Variants in TRHDE observed in about 807,000 individuals in gnomAD.
TRHDE encodes the protein thyrotropin releasing hormone degrading enzyme.
A neutral mutation model predicts 125.7 loss-of-function variants in TRHDE; 72 were observed. That is an observed-to-expected ratio of 0.57 (90% CI 0.47 to 0.70). The LOEUF is 0.70. TRHDE is among the 30% of genes least tolerant of loss of function. The pLI, the probability that TRHDE is intolerant of heterozygous loss-of-function variation, is 0.00. For missense variants in TRHDE, 1,110 were observed against 1,327.1 expected, an observed-to-expected ratio of 0.84 and a Z score of 2.54; for synonymous variants, 509 against 509.1, an observed-to-expected ratio of 1.00 and a Z score of 0.00.
intron 12 of TRHDE, among the ~76,000 whole-genome samples, chr12:72,580,040 A>G (rs1259612705): frequency 1.3e-5 from 2 of 152,176 alleles, no homozygotes; most frequent in Non-Finnish European, 1.5e-5. Context: ...ATTTCCATTC[A>G]ATATAAATTT....
At position 72,372,775 on chromosome 12, in the gene TRHDE, C is replaced by G. The variant is rs1379241628; in HGVS notation, c.1189-5220C>G. Among the ~76,000 whole-genome samples the G allele has an allele frequency of 2.6e-5, 4 of 152,144 alleles. No individual in the cohort carries two copies. The East Asian group carries it at 7.7e-4, about 29-fold the overall frequency. On this transcript the variant is annotated intron_variant, in intron 2 of 18. Coordinates refer to ENST00000261180, the MANE Select transcript of TRHDE (RefSeq NM_013381.3). ...TCTCTGTTTTGGTACCAGTACCATGCTGTTTTGGTTACTGTAGACTTGTAG... is the reference window on the plus strand; with the variant it reads ...TCTCTGTTTTGGTACCAGTACCATGGTGTTTTGGTTACTGTAGACTTGTAG...
At chr12:72,428,990 T>C (rs1874308142) in intron 3 of TRHDE, among the ~76,000 whole-genome samples, 1 of 152,084 alleles carries the variant, frequency 6.6e-6, no homozygotes, top group Non-Finnish European at 1.5e-5. Context: ...GTGACACATA[T>C]ACACCATGGA....
At chr12:72,532,604 G>T (rs1030693915) in intron 6 of TRHDE, among the ~76,000 whole-genome samples, 8 of 151,102 alleles carry the variant, frequency 5.3e-5, no homozygotes, top group African/African-American at 1.9e-4. Flanking sequence ...TTTTGAATAA[G>T]AATGAATGAA....
chr12:72,285,049 T>G (rs894903298), intron 1 of TRHDE, among the ~76,000 whole-genome samples: 1 of 152,232 alleles, frequency 6.6e-6, no homozygotes, highest in Non-Finnish European at 1.5e-5. Flanking sequence ...TATTAATTTT[T>G]AAAATGTTTT....
chr12:72,094,388 G>T (rs1446330382), intron 1 of TRHDE, among the ~76,000 whole-genome samples: 1 of 152,114 alleles, frequency 6.6e-6, no homozygotes, highest in Non-Finnish European at 1.5e-5. Flanking sequence ...CCTGCCTCTG[G>T]GGTTACTGAT....
intron 3 of TRHDE, among the ~76,000 whole-genome samples, chr12:72,392,865 A>C (rs1246860970): frequency 1.3e-5 from 2 of 151,936 alleles, no homozygotes; most frequent in African/African-American, 4.8e-5. Flanking sequence ...TAACTAGTAC[A>C]TTTTTTTCCT....
At chr12:72,627,922 A>G (rs766326107) in intron 15 of TRHDE, among the ~76,000 whole-genome samples, 1 of 151,650 alleles carries the variant, frequency 6.6e-6, no homozygotes, top group Non-Finnish European at 1.5e-5. Context: ...GTCTCAAGCA[A>G]TCCTCCTGCC....
intron 1 of TRHDE, among the ~76,000 whole-genome samples, chr12:72,276,114 A>G (rs949851632): frequency 4.4e-4 from 67 of 152,172 alleles, no homozygotes; most frequent in African/African-American, 1.6e-3. Flanking sequence ...TTTTGTTACT[A>G]TAGCCACTTG....
intron 15 of TRHDE, among the ~76,000 whole-genome samples, chr12:72,645,342 A>G (rs1054423533): frequency 6.6e-6 from 1 of 152,210 alleles, no homozygotes; most frequent in Non-Finnish European, 1.5e-5. Context: ...TGTTAATAGA[A>G]GGGTTAAACA....
At position 72,663,728 on chromosome 12, in the gene TRHDE, G is replaced by A. The variant is rs564631375; in HGVS notation, c.*533G>A. On this transcript the variant is annotated 3_prime_UTR_variant, in exon 19 of 19. Transcript: ENST00000261180. ...ATATTCTCAATTTTGGGCAATGTGA[G>A]AGGTAAAATAGCCCTTGACATGATG... 1 of 152,636 alleles carries A rather than the reference G, an allele frequency of 6.6e-6. No homozygotes were observed. Among genetic ancestry groups the A allele is most frequent in the African/African-American group, 2.4e-5 (1 of 41,554 alleles). The allele number at this position is 152,636 out of a possible 1,614,324, so 9.5% of individuals were successfully genotyped here.
intron 6 of TRHDE, among the ~76,000 whole-genome samples, chr12:72,507,802 C>T (rs948747202): frequency 6.6e-6 from 1 of 152,206 alleles, no homozygotes; most frequent in Non-Finnish European, 1.5e-5. Flanking sequence ...AGCAGCTCCT[C>T]CCATCATAGG....
At chr12:72,565,238 T>C (rs1264129125) in intron 9 of TRHDE, among the ~76,000 whole-genome samples, 1 of 152,202 alleles carries the variant, frequency 6.6e-6, no homozygotes, top group Non-Finnish European at 1.5e-5. Context: ...ACTACCGATC[T>C]ATTCCAGAAA....
At chr12:72,411,759 T>C (rs1873520342) in intron 3 of TRHDE, among the ~76,000 whole-genome samples, 3 of 152,090 alleles carry the variant, frequency 2.0e-5, no homozygotes, top group African/African-American at 7.2e-5. Context: ...AGTTATGTAA[T>C]TATGAGTGGC....
intron 6 of TRHDE, among the ~76,000 whole-genome samples, chr12:72,542,026 T>C (rs933392705): frequency 6.6e-6 from 1 of 151,494 alleles, no homozygotes; most frequent in Non-Finnish European, 1.5e-5. Context: ...TACTCCTGAA[T>C]TACAGCTTAT....
In TRHDE at chr12:72,475,823, A is replaced by G. The variant is rs1320662130; in HGVS notation, c.1584+2643A>G. On this transcript the variant is annotated intron_variant, in intron 5 of 18. Coordinates refer to ENST00000261180, the MANE Select transcript of TRHDE (RefSeq NM_013381.3). ...GGTGTCACAGAAAACTCATCCTATTAAAGTAAAAAATGAAATAATAAACTC... is the reference window on the plus strand; with the variant it reads ...GGTGTCACAGAAAACTCATCCTATTGAAGTAAAAAATGAAATAATAAACTC... 2.0e-5 allele frequency among the ~76,000 whole-genome samples: 3 copies of G among 152,352 alleles called. No individual in the cohort carries two copies. The East Asian group carries it at 5.8e-4, about 29-fold the overall frequency.
chr12:72,410,429 A>C (rs191198751), intron 3 of TRHDE, among the ~76,000 whole-genome samples: 1 of 152,114 alleles, frequency 6.6e-6, no homozygotes, highest in African/African-American at 2.4e-5. Context: ...ATCAGAACCT[A>C]ACACAGCCAT....
chr12:72,329,807 AG>A (rs376008597), intron 2 of TRHDE, among the ~76,000 whole-genome samples: 2 of 152,316 alleles, frequency 1.3e-5, no homozygotes, highest in African/African-American at 2.4e-5. Context: ...GAGAGGAAAA[AG>A]ATGTCTAGGG....
At chr12:72,609,132 C>T (rs1232192427) in intron 12 of TRHDE, among the ~76,000 whole-genome samples, 5 of 152,098 alleles carry the variant, frequency 3.3e-5, no homozygotes, top group African/African-American at 9.7e-5. Context: ...TGTCTGGCAT[C>T]GTTTGTTGCT....
At position 72,450,938 on chromosome 12, in the gene TRHDE, A is replaced by G. The variant is rs367684482; in HGVS notation, c.1316-18820A>G. Among the ~76,000 whole-genome samples, 9 of 152,166 alleles carry G rather than the reference A, an allele frequency of 5.9e-5. No homozygotes were observed. In the South Asian group the frequency reaches 1.7e-3, roughly 28 times the overall value. ...TTTCATATACTTCTTGGCCATTTGT[A>G]TGTCTTCTTTGGAGAACTGTCAATT... On this transcript the variant is annotated intron_variant, in intron 3 of 18. Coordinates refer to ENST00000261180, the MANE Select transcript of TRHDE (RefSeq NM_013381.3).
Sources: gnomAD v4.1 joint callset for allele counts (sites outside exome capture counted in the v4.1 genomes callset) on GRCh38, gnomAD v4.1.1 for gene constraint, MANE v1.5 for transcripts, NCBI Gene and HGNC (gene_info 2026-07-23, HGNC 2026-07-21) for gene names.